RNF214: variants seen among roughly 807,000 people sequenced by gnomAD.
RNF214 encodes ring finger protein 214.
In RNF214, 25 loss-of-function variants were observed where a neutral mutation model predicts 75.9. That is an observed-to-expected ratio of 0.33 (90% confidence interval 0.24 to 0.46). The LOEUF is 0.46. Ranked by LOEUF, RNF214 falls within the 20% of genes least tolerant of loss-of-function variation. RNF214 has a pLI of 1.00. For synonymous variants in RNF214, 314 were observed against 308.8 expected (o/e 1.02, Z -0.18); for missense variants, 725 against 857.5 (o/e 0.85, Z 1.93).
At chr11:117,259,018 A>G (rs1488277585) in intron 6 of RNF214, among the ~76,000 whole-genome samples, 3 of 150,258 alleles carry the variant, frequency 2.0e-5, no homozygotes, top group Non-Finnish European at 1.5e-5. Context: ...GTGCAGTGAC[A>G]TGATCTTGGT....
intron 6 of RNF214, among the ~76,000 whole-genome samples, chr11:117,273,115 T>A (rs1475349841): frequency 2.0e-5 from 3 of 152,160 alleles, no homozygotes; most frequent in Non-Finnish European, 4.4e-5. Flanking sequence ...TGGAAGAAGC[T>A]TACTTATCTG....
intron 6 of RNF214, among the ~76,000 whole-genome samples, chr11:117,256,562 AC>A (rs1434820116): frequency 6.7e-6 from 1 of 150,228 alleles, no homozygotes; most frequent in East Asian, 1.9e-4. Context: ...TCTCATTCTC[AC>A]TCTTGCCATA....
intron 6 of RNF214, among the ~76,000 whole-genome samples, chr11:117,255,985 C>T (rs545598244): frequency 4.6e-5 from 7 of 152,194 alleles, no homozygotes; most frequent in Non-Finnish European, 1.0e-4. Context: ...TTACCTCTTT[C>T]ACATTTATAT....
At chr11:117,241,691 C>T (rs1370262770) in intron 4 of RNF214, among the ~76,000 whole-genome samples, 3 of 152,002 alleles carry the variant, frequency 2.0e-5, no homozygotes, top group Admixed American at 1.3e-4. Context: ...TTTATGCCTC[C>T]TGCTCTTATT....
chr11:117,275,242 C>G (rs1248616247), intron 6 of RNF214, among the ~76,000 whole-genome samples: 1 of 152,006 alleles, frequency 6.6e-6, no homozygotes, highest in East Asian at 1.9e-4. Context: ...ATCAAAATCT[C>G]AGATACAGCA....
intron 4 of RNF214, 31 bp from the exon 5 acceptor site, chr11:117,244,414 A>G: frequency 6.3e-7 from 1 of 1,593,006 alleles, no homozygotes; most frequent in Non-Finnish European, 8.6e-7. Flanking sequence ...TTAAATTAGG[A>G]AATAAGCTTT....
intron 6 of RNF214, among the ~76,000 whole-genome samples, chr11:117,268,879 T>TA (rs1398514182): frequency 3.9e-5 from 6 of 152,272 alleles, no homozygotes; most frequent in Admixed American, 3.3e-4. Flanking sequence ...GCTATAGGGT[T>TA]AAAGAGGGAA....
At chr11:117,255,900 C>A (rs1482625946) in intron 6 of RNF214, among the ~76,000 whole-genome samples, 3 of 152,154 alleles carry the variant, frequency 2.0e-5, no homozygotes, top group Non-Finnish European at 4.4e-5. Flanking sequence ...CATTTCCCTG[C>A]TTAAATTTTT....
intron 1 of RNF214, 62 bp from the exon 2 acceptor site, chr11:117,234,203 GGA>G: frequency 2.6e-6 from 3 of 1,169,120 alleles, no homozygotes; most frequent in South Asian, 1.2e-5. Context: ...TTCTGAGGGG[GGA>G]GAGATACATT....
At chr11:117,268,570 C>T (rs751355957) in intron 6 of RNF214, among the ~76,000 whole-genome samples, 2 of 152,166 alleles carry the variant, frequency 1.3e-5, no homozygotes, top group Non-Finnish European at 2.9e-5. Context: ...TATTCCATTA[C>T]ATCGATCTGT....
intron 6 of RNF214, among the ~76,000 whole-genome samples, chr11:117,273,164 A>G (rs2033945937): frequency 6.6e-6 from 1 of 152,110 alleles, no homozygotes; most frequent in Admixed American, 6.6e-5. Flanking sequence ...TTTGGTTGAA[A>G]TATATAAAGA....
At chr11:117,241,094 A>G (rs2033066800) in intron 4 of RNF214, among the ~76,000 whole-genome samples, 1 of 151,842 alleles carries the variant, frequency 6.6e-6, no homozygotes, top group Non-Finnish European at 1.5e-5. Flanking sequence ...GCATGAGATT[A>G]GCTTGAACCT....
chr11:117,247,356 G>T (rs1415994280), intron 6 of RNF214, among the ~76,000 whole-genome samples: 1 of 152,124 alleles, frequency 6.6e-6, no homozygotes, highest in South Asian at 2.1e-4. Context: ...TTAGCTGGTT[G>T]TGGTGGCACG....
chr11:117,273,473 T>C (rs1036454536), intron 6 of RNF214, among the ~76,000 whole-genome samples: 5 of 68,444 alleles, frequency 7.3e-5, no homozygotes, highest in Non-Finnish European at 1.1e-4. Context: ...ATTTTGTATG[T>C]TGTATGGGGA....
At chr11:117,270,292 C>G (rs1350561422) in intron 6 of RNF214, among the ~76,000 whole-genome samples, 2 of 107,410 alleles carry the variant, frequency 1.9e-5, no homozygotes, top group Non-Finnish European at 3.5e-5. Context: ...CTCAGTTGCT[C>G]TGTTGTCCAG....
Position 117,286,368 on chromosome 11 carries a change from T to C in RNF214, c.*1217T>C, listed in dbSNP as rs955658351. 1 of 152,232 alleles carries C rather than the reference T, an allele frequency of 6.6e-6. No individual in the cohort carries two copies. Among genetic ancestry groups the C allele is most frequent in the South Asian group, 2.1e-4 (1 of 4,832 alleles). 9.4% of individuals were successfully genotyped at this position (152,232 alleles called of 1,614,324 possible). On this transcript the variant is annotated 3_prime_UTR_variant, in exon 15 of 15. Transcript: ENST00000300650. The stretch of plus-strand genomic sequence containing the variant: ...GAAAGCTGTGACTCTATTAGAGCTT[T>C]GAATCTTTTCCTATCCTTTTATCTT...
At chr11:117,259,608 G>T (rs958396646) in intron 6 of RNF214, among the ~76,000 whole-genome samples, 2 of 152,110 alleles carry the variant, frequency 1.3e-5, no homozygotes, top group African/African-American at 4.8e-5. Flanking sequence ...CATTGTGTGT[G>T]TTTTTTATTT....
At chr11:117,248,990 C>G (rs1387594630) in intron 6 of RNF214, among the ~76,000 whole-genome samples, 3 of 151,970 alleles carry the variant, frequency 2.0e-5, no homozygotes, top group Non-Finnish European at 2.9e-5. Context: ...GTGGCGCAAT[C>G]TCGGCTCATG....
At chr11:117,278,884 A>T (rs2034069488) in intron 6 of RNF214, among the ~76,000 whole-genome samples, 1 of 152,138 alleles carries the variant, frequency 6.6e-6, no homozygotes, top group Admixed American at 6.6e-5. Flanking sequence ...TGATCCCAGG[A>T]GTTTGAGAAC....
Sources: allele counts gnomAD v4.1 joint callset (sites outside exome capture counted in the v4.1 genomes callset), GRCh38; gene constraint gnomAD v4.1.1; transcripts MANE v1.5; gene names NCBI Gene and HGNC (gene_info 2026-07-23, HGNC 2026-07-21).